Variants in POLR3C observed in about 807,000 individuals in gnomAD.
POLR3C encodes DNA-directed RNA polymerase III subunit RPC3.
A neutral mutation model predicts 65.9 loss-of-function variants in POLR3C; 44 were observed. That is an observed-to-expected ratio of 0.67 (90% CI 0.52 to 0.86). The LOEUF (loss-of-function observed/expected upper bound fraction) is 0.86, where lower values mean the gene tolerates loss of function less well. Ranked by LOEUF, POLR3C falls within the 40% of genes least tolerant of loss-of-function variation. The pLI, the probability that POLR3C is intolerant of heterozygous loss-of-function variation, is 0.00. For missense variants in POLR3C, 576 were observed against 653.2 expected, an observed-to-expected ratio of 0.88 and a Z score of 1.29; for synonymous variants, 263 against 231.6, an observed-to-expected ratio of 1.14 and a Z score of -1.23.
chr1:145,827,720 C>T (rs1435761304), intron 4 of POLR3C, among the ~76,000 whole-genome samples: 3 of 145,518 alleles, frequency 2.1e-5, no homozygotes, highest in Non-Finnish European at 3.0e-5. Context: ...GATCGTGCCA[C>T]TGCACTCCAG....
intron 1 of POLR3C, 133 bp downstream of exon 1, chr1:145,824,502 A>G: frequency 7.8e-7 from 1 of 1,284,828 alleles, no homozygotes; most frequent in Non-Finnish European, 1.0e-6. Context: ...AGGATGGCAA[A>G]GGATCTGGGA....
intron 5 of POLR3C, among the ~76,000 whole-genome samples, chr1:145,832,408 G>A (rs782056628): frequency 5.3e-5 from 8 of 152,318 alleles, no homozygotes; most frequent in Non-Finnish European, 1.0e-4. Flanking sequence ...TAAGAAGGCG[G>A]TAGAGAAGGA....
chr1:145,839,680 G>A, intron 11 of POLR3C: 1 of 493,724 alleles, frequency 2.0e-6, no homozygotes, highest in Admixed American at 3.6e-5. Flanking sequence ...GCAGTGAGCT[G>A]ATATCATGCC....
chr1:145,830,338 T>C (rs782618149), intron 5 of POLR3C, among the ~76,000 whole-genome samples: 2 of 150,602 alleles, frequency 1.3e-5, no homozygotes, highest in African/African-American at 4.9e-5. Context: ...TAGGAGGCTA[T>C]TGTAGTAATC....
At chr1:145,835,171 G>A (rs978997775) in intron 7 of POLR3C, among the ~76,000 whole-genome samples, 6 of 146,466 alleles carry the variant, frequency 4.1e-5, no homozygotes, top group East Asian at 2.0e-4. Context: ...AAAAAAGGCC[G>A]GACGCAGCAG....
Position 145,826,574 on chromosome 1 carries a change from C to T in POLR3C, c.268C>T (p.Arg90Trp), listed in dbSNP as rs587709859. Reference protein sequence around the residue: ...SRVLRMLRYPRYIYTTKTLYS... With the variant: ...SRVLRMLRYPWYIYTTKTLYS... ...GGTATTGCGAATGCTTAGATATCCC[C>T]GGTACATCTATACTACCAAAACTCT... Residue 90 changes from arginine (R) to tryptophan (W), a missense_variant, in exon 3 of 15, where the codon CGG becomes TGG. Transcript: ENST00000334163. 2.5e-5 allele frequency: 41 copies of T among 1,614,034 alleles called. No individual in the cohort carries two copies. The highest frequency in any genetic ancestry group is 1.6e-4 in the African/African-American group (12 of 75,034).
At chr1:145,838,349 G>A (rs1432014148) in intron 11 of POLR3C, 143 bp downstream of exon 11, 19 of 714,922 alleles carry the variant, frequency 2.7e-5, no homozygotes, top group Admixed American at 7.6e-5. Flanking sequence ...GAGACATAGC[G>A]AGCACTTGGA....
At position 145,836,815 on chromosome 1, in the gene POLR3C, C is replaced by T. The variant is rs782414994; in HGVS notation, c.958C>T (p.Leu320=). ...TAACACTCTCTCTTTTTCTTAATAGCTAGAGTTTGTTGGAAAGTCTGGCGA... is the reference window on the plus strand; with the variant it reads ...TAACACTCTCTCTTTTTCTTAATAGTTAGAGTTTGTTGGAAAGTCTGGCGA... ...QYLTLLADDP[L]EFVGKSGDSG... Residue 320 remains leucine (L), a splice_region_variant and synonymous_variant, in exon 9 of 15, where the codon CTA becomes TTA. Transcript: ENST00000334163. 3 of 1,574,710 alleles carry T rather than the reference C, an allele frequency of 1.9e-6. No homozygotes were observed. The East Asian group carries it at 6.7e-5, about 35-fold the overall frequency.
At position 145,824,676 on chromosome 1, in the gene POLR3C, G is replaced by A. The variant is rs587669367; in HGVS notation, c.-21+307G>A. 36 of 459,176 alleles carry A rather than the reference G, an allele frequency of 7.8e-5. No homozygotes were observed. In the East Asian group the frequency reaches 2.6e-3, roughly 33 times the overall value. 28.4% of individuals were successfully genotyped at this position (459,176 alleles called of 1,614,324 possible). Reference sequence around the variant, plus strand: ...AGGAAGTAATCATAAAATTAACTACGTCCGTTTCTGATTGTGTCAACTTTG... The same window carrying A: ...AGGAAGTAATCATAAAATTAACTACATCCGTTTCTGATTGTGTCAACTTTG... On this transcript the variant is annotated intron_variant, in intron 1 of 14. Transcript: ENST00000334163.
chr1:145,839,234 G>A (rs1262680335), intron 11 of POLR3C, among the ~76,000 whole-genome samples: 3 of 152,190 alleles, frequency 2.0e-5, no homozygotes, highest in African/African-American at 7.2e-5. Context: ...TTGTGCCACT[G>A]CACTCCAGCC....
chr1:145,842,249 A>G (rs987346687), intron 14 of POLR3C, 90 bp from the exon 15 acceptor site: 5 of 726,082 alleles, frequency 6.9e-6, no homozygotes, highest in African/African-American at 1.8e-5. Context: ...GTAACCAAGC[A>G]GTTATCCATG....
intron 7 of POLR3C, among the ~76,000 whole-genome samples, chr1:145,834,838 T>G (rs587704216): frequency 2.0e-4 from 30 of 152,208 alleles, no homozygotes; most frequent in Non-Finnish European, 3.7e-4. Flanking sequence ...ATTTTTATAT[T>G]GTTTATTTTA....
chr1:145,842,572 A>T lies in POLR3C; in HGVS notation c.*152A>T, dbSNP rs1441769980. 3.0e-6 allele frequency: 2 copies of T among 665,184 alleles called. No homozygotes were observed. The highest frequency in any genetic ancestry group is 5.4e-6 in the Non-Finnish European group (2 of 369,298). The allele number at this position is 665,184 out of a possible 1,614,324, so 41.2% of individuals were successfully genotyped here. ...TGCAGCCCAGGATACACCTGAAAGA[A>T]TTTGGCATATTTAGATCCATTGCTG... On this transcript the variant is annotated 3_prime_UTR_variant, in exon 15 of 15. Coordinates refer to ENST00000334163, the MANE Select transcript of POLR3C (RefSeq NM_006468.8).
At chr1:145,824,721 G>C (rs1553725308) in intron 1 of POLR3C, among the ~76,000 whole-genome samples, 1 of 152,190 alleles carries the variant, frequency 6.6e-6, no homozygotes, top group African/African-American at 2.4e-5. Context: ...AGAAGTTTAA[G>C]AATTGAATAC....
At chr1:145,830,329 A>T (rs1553726820) in intron 5 of POLR3C, among the ~76,000 whole-genome samples, 1 of 152,030 alleles carries the variant, frequency 6.6e-6, no homozygotes, top group Non-Finnish European at 1.5e-5. Context: ...AAACCCAGTT[A>T]GGAGGCTATT....
intron 7 of POLR3C, among the ~76,000 whole-genome samples, chr1:145,836,109 AAAATT>A (rs71077275): frequency 0.29 from 42,564 of 149,078 alleles, 6,972 homozygotes; most frequent in Non-Finnish European, 0.36. Context: ...TGTGGTAACT[AAAATT>A]AAAACTTTTT....
chr1:145,826,195 T>A (rs1363383445), intron 2 of POLR3C, among the ~76,000 whole-genome samples: 1 of 152,216 alleles, frequency 6.6e-6, no homozygotes, highest in Non-Finnish European at 1.5e-5. Flanking sequence ...ATCTCAGTAC[T>A]GCCTTTAAGG....
chr1:145,832,284 T>G (rs1438154689), intron 5 of POLR3C, among the ~76,000 whole-genome samples: 2 of 152,084 alleles, frequency 1.3e-5, no homozygotes, highest in East Asian at 3.9e-4. Context: ...GAGATACAAC[T>G]GAGATGGCCA....
chr1:145,831,507 T>TC (rs1651319065), intron 5 of POLR3C, among the ~76,000 whole-genome samples: 1 of 102,022 alleles, frequency 9.8e-6, no homozygotes, highest in African/African-American at 4.0e-5. Flanking sequence ...AGAGCAAAAC[T>TC]CCATCTCAAA....
Sources: allele counts gnomAD v4.1 joint callset (sites outside exome capture counted in the v4.1 genomes callset), GRCh38; gene constraint gnomAD v4.1.1; transcripts MANE v1.5; gene names NCBI Gene and HGNC (gene_info 2026-07-23, HGNC 2026-07-21).